TNFSF8: variants seen among roughly 807,000 people sequenced by gnomAD.
TNFSF8 encodes the protein tumor necrosis factor ligand superfamily member 8.
TNFSF8 carries 4 observed loss-of-function variants against 22.0 expected under a neutral mutation model. The observed-to-expected ratio is 0.18, with a 90% confidence interval of 0.09 to 0.42. The LOEUF (loss-of-function observed/expected upper bound fraction) is 0.42, where lower values mean the gene tolerates loss of function less well. TNFSF8 is among the 10% of genes least tolerant of loss of function. TNFSF8 has a pLI of 1.00. For synonymous variants in TNFSF8, 106 were observed against 112.5 expected (o/e 0.94, Z 0.37); for missense variants, 233 against 281.8 (o/e 0.83, Z 1.24).
At chr9:114,895,487 A>G (rs907104530) in intron 4 of TNFSF8, among the ~76,000 whole-genome samples, 5 of 152,160 alleles carry the variant, frequency 3.3e-5, no homozygotes, top group African/African-American at 1.2e-4. Flanking sequence ...GGCTTTTCTG[A>G]ATGCAGATGG....
In TNFSF8 at chr9:114,930,166, C is replaced by G; in HGVS notation, c.138G>C (p.Leu46=). The change falls in exon 1 of 4, where the codon CTG becomes CTC. Residue 46 remains leucine (L), a synonymous_variant. Transcript: ENST00000223795. ...CCACCGTGAAGACAAGGCACAGAGCCAGAGTGGCTGTGGTCAAATAGAAAT... is the reference window on the plus strand; with the variant it reads ...CCACCGTGAAGACAAGGCACAGAGCGAGAGTGGCTGTGGTCAAATAGAAAT... The part of the protein sequence containing the change: ...RSYFYLTTAT[L]ALCLVFTVAT... 2 of 1,602,370 alleles carry G rather than the reference C, an allele frequency of 1.2e-6. No homozygotes were observed. The highest frequency in any genetic ancestry group is 8.5e-7 in the Non-Finnish European group (1 of 1,174,312).
chr9:114,901,721 C>T lies in TNFSF8; in HGVS notation c.*2210G>A. On this transcript the variant is annotated 3_prime_UTR_variant, in exon 4 of 4. Coordinates refer to ENST00000223795, the MANE Select transcript of TNFSF8 (RefSeq NM_001244.4). Reference sequence around the variant, plus strand: ...CCATTTGGCTTGCTGAATTCAACACCTCTTCCAATGCCTGCTTCTCCCAAA... The same window carrying T: ...CCATTTGGCTTGCTGAATTCAACACTTCTTCCAATGCCTGCTTCTCCCAAA... 3 of 985,362 alleles carry T rather than the reference C, an allele frequency of 3.0e-6. No individual in the cohort carries two copies. Among genetic ancestry groups the T allele is most frequent in the Non-Finnish European group, 3.6e-6 (3 of 829,918 alleles). The allele number at this position is 985,362 out of a possible 1,614,324, so 61.0% of individuals were successfully genotyped here.
intron 2 of TNFSF8, 118 bp downstream of exon 2, chr9:114,917,978 C>A: frequency 9.9e-7 from 1 of 1,011,910 alleles, no homozygotes; most frequent in South Asian, 1.8e-5. Flanking sequence ...TCCACCCCTA[C>A]CCACTTTACT....
downstream of TNFSF8, among the ~76,000 whole-genome samples, chr9:114,900,484 C>G (rs1157251528): frequency 6.6e-6 from 1 of 152,190 alleles, no homozygotes; most frequent in Non-Finnish European, 1.5e-5. Flanking sequence ...TATTTCCCAC[C>G]AGCCTTGATA....
At chr9:114,923,522 C>CTTTCTTTCTTTCTTTT (rs758823996) in intron 1 of TNFSF8, among the ~76,000 whole-genome samples, 2 of 89,768 alleles carry the variant, frequency 2.2e-5, no homozygotes, top group Non-Finnish European at 4.1e-5. Context: ...TTCTTTCTTT[C>CTTTCTTTCTTTCTTTT]TTTTTTTTTT....
chr9:114,917,266 C>G (rs1459658473), intron 2 of TNFSF8, among the ~76,000 whole-genome samples: 2 of 152,194 alleles, frequency 1.3e-5, no homozygotes, highest in East Asian at 3.8e-4. Context: ...TGTTTGCCAT[C>G]TAGGTTCTAA....
downstream of TNFSF8, among the ~76,000 whole-genome samples, chr9:114,899,824 A>AGAGAC (rs1827697056): frequency 6.6e-6 from 1 of 152,356 alleles, no homozygotes; most frequent in South Asian, 2.1e-4. Flanking sequence ...GCTCCAGGTC[A>AGAGAC]TGAGCTCTGA....
chr9:114,917,758 G>A (rs753071835), intron 2 of TNFSF8, among the ~76,000 whole-genome samples: 1 of 152,204 alleles, frequency 6.6e-6, no homozygotes, highest in Non-Finnish European at 1.5e-5. Context: ...AGGCTCCCCA[G>A]TGGGAAGTCA....
chr9:114,894,258 G>T, intron 4 of TNFSF8: 2 of 1,068,076 alleles, frequency 1.9e-6, no homozygotes, highest in Non-Finnish European at 2.8e-6. Flanking sequence ...CAGTTTAGCA[G>T]GGAGGCAAAT....
At chr9:114,922,496 C>T (rs140400575) in intron 1 of TNFSF8, among the ~76,000 whole-genome samples, 81 of 152,238 alleles carry the variant, frequency 5.3e-4, no homozygotes, top group Non-Finnish European at 1.0e-3. Context: ...CCAAGAGTTA[C>T]GGATTCATCA....
chr9:114,904,496 G>A (rs3181366), intron 3 of TNFSF8, among the ~76,000 whole-genome samples, 171 bp from the exon 4 acceptor site: 54,981 of 151,988 alleles, frequency 0.36, 10,473 homozygotes, highest in Admixed American at 0.45. Flanking sequence ...ATTACTCAAG[G>A]CACAGGTATA....
rs186167792 is a variant in TNFSF8 at position 114,923,876 on chromosome 9, C to T, written c.196-5738G>A. ...TACAAAGGCGATAGTTGGTGGTCAC[C>T]GCTTTAATCAAGTGACTAAACCTAT... is the stretch of plus-strand genomic sequence containing the variant. On this transcript the variant is annotated intron_variant, in intron 1 of 3. Coordinates refer to ENST00000223795, the MANE Select transcript of TNFSF8 (RefSeq NM_001244.4). 7.9e-5 allele frequency among the ~76,000 whole-genome samples: 12 copies of T among 152,106 alleles called. No individual in the cohort carries two copies. The East Asian group carries it at 9.6e-4, about 12-fold the overall frequency.
chr9:114,898,724 C>T (rs557394918), downstream of TNFSF8, among the ~76,000 whole-genome samples: 3 of 152,158 alleles, frequency 2.0e-5, no homozygotes, highest in East Asian at 1.9e-4. Context: ...ACAGACTTCG[C>T]GTTAGCTTGT....
In TNFSF8 at chr9:114,901,597, T is replaced by C. The variant is rs936779733; in HGVS notation, c.*2334A>G. The C allele has an allele frequency of 4.1e-6, 4 of 985,202 alleles. No individual in the cohort carries two copies. The South Asian group carries it at 1.9e-4, about 46-fold the overall frequency. 61.0% of individuals were successfully genotyped at this position (985,202 alleles called of 1,614,324 possible). On this transcript the variant is annotated 3_prime_UTR_variant, in exon 4 of 4. Transcript: ENST00000223795. ...AATGCATGAGTTGGTTTAAGCAAGA[T>C]TCATTTGTCCTATGCAGTTAGTGTG...
intron 3 of TNFSF8, among the ~76,000 whole-genome samples, chr9:114,905,542 G>A (rs1033595353): frequency 1.2e-4 from 18 of 152,190 alleles, no homozygotes; most frequent in African/African-American, 4.3e-4. Context: ...GGGGCTGGTG[G>A]TGGCAGTGGT....
In TNFSF8 at chr9:114,904,220, T is replaced by C. The variant is rs758104723; in HGVS notation, c.416A>G (p.Tyr139Cys). ...AAACTGCAGTTGGCAAATGATGAAG[T>C]ACAAACCAGGGAATTGGATCACCAG... ...GNLVIQFPGL[Y>C]FIICQLQFLV... is the part of the protein sequence containing the mutation. Residue 139 changes from tyrosine to cysteine, a missense_variant, in exon 4 of 4, where the codon TAC (tyrosine) becomes TGC (cysteine). By Grantham distance (194) the Tyr-to-Cys change is radical. Coordinates refer to ENST00000223795, the MANE Select transcript of TNFSF8 (RefSeq NM_001244.4). The C allele has an allele frequency of 6.2e-7, 1 of 1,614,152 alleles. No individual in the cohort carries two copies. Among genetic ancestry groups the C allele is most frequent in the Non-Finnish European group, 8.5e-7 (1 of 1,180,004 alleles).
chr9:114,902,273 T>TG lies in TNFSF8; in HGVS notation c.*1657dup. On this transcript the variant is annotated 3_prime_UTR_variant, in exon 4 of 4. Transcript: ENST00000223795. Reference sequence around the variant, plus strand: ...TCATCATTGTCTCTCAACAACTTTGTGGGGATATAAAAACCCTCGCGGAAC... The same window carrying TG: ...TCATCATTGTCTCTCAACAACTTTGTGGGGGATATAAAAACCCTCGCGGAAC... The TG allele has an allele frequency of 3.0e-6, 3 of 985,374 alleles. No homozygotes were observed. Among genetic ancestry groups the TG allele is most frequent in the Non-Finnish European group, 3.6e-6 (3 of 829,916 alleles). 61.0% of individuals were successfully genotyped at this position (985,374 alleles called of 1,614,324 possible). A position where few individuals can be genotyped will look rare whatever the true frequency, so the allele number is the denominator to read the frequency against.
At chr9:114,894,282 G>T in intron 4 of TNFSF8, 1 of 797,874 alleles carries the variant, frequency 1.3e-6, no homozygotes, top group Non-Finnish European at 2.0e-6. Flanking sequence ...CAATCATGCT[G>T]TCATAGTGAG....
At chr9:114,912,611 G>A (rs773808353) in intron 2 of TNFSF8, among the ~76,000 whole-genome samples, 10 of 152,110 alleles carry the variant, frequency 6.6e-5, no homozygotes, top group Non-Finnish European at 1.3e-4. Flanking sequence ...GAATGGTCTC[G>A]ATCTCTTGAC....
Sources: gnomAD v4.1 joint callset for allele counts (sites outside exome capture counted in the v4.1 genomes callset) on GRCh38, gnomAD v4.1.1 for gene constraint, MANE v1.5 for transcripts, NCBI Gene and HGNC (gene_info 2026-07-23, HGNC 2026-07-21) for gene names.